FAM178B: variants seen among roughly 807,000 people sequenced by gnomAD.
The protein encoded by FAM178B is family with sequence similarity 178 member B.
A neutral mutation model predicts 91.7 loss-of-function variants in FAM178B; 82 were observed. That is an observed-to-expected ratio of 0.89 (90% confidence interval 0.75 to 1.07). The LOEUF is 1.07. FAM178B is among the 50% of genes least tolerant of loss of function. The probability of loss-of-function intolerance (pLI) is 0.00; values close to 1 mark genes in which losing one functional copy is unlikely to be tolerated. For missense variants in FAM178B, 769 were observed against 846.7 expected, an observed-to-expected ratio of 0.91 and a Z score of 1.14; for synonymous variants, 368 against 359.4, an observed-to-expected ratio of 1.02 and a Z score of -0.27.
intron 5 of FAM178B, among the ~76,000 whole-genome samples, chr2:96,963,100 C>G (rs1263048062): frequency 1.3e-5 from 2 of 152,162 alleles, no homozygotes; most frequent in African/African-American, 4.8e-5. Flanking sequence ...TTTTCAAAGC[C>G]AGGACTACCT....
intron 4 of FAM178B, among the ~76,000 whole-genome samples, chr2:96,969,241 A>G (rs532975668): frequency 5.5e-4 from 84 of 152,204 alleles, no homozygotes; most frequent in Admixed American, 9.8e-4. Flanking sequence ...CAGAATTCCT[A>G]TGTTGAAGCC....
intron 7 of FAM178B, among the ~76,000 whole-genome samples, chr2:96,949,659 G>A (rs553285943): frequency 6.6e-6 from 1 of 152,308 alleles, no homozygotes; most frequent in South Asian, 2.1e-4. Context: ...AGTCCCCTGA[G>A]GACACTGCCC....
Position 96,903,525 on chromosome 2 carries a change from C to G in FAM178B, c.1563-818G>C, listed in dbSNP as rs77408288. Among the ~76,000 whole-genome samples, 36 of 152,340 alleles carry G rather than the reference C, an allele frequency of 2.4e-4. No individual in the cohort carries two copies. In the East Asian group the frequency reaches 6.6e-3, roughly 28 times the overall value. On this transcript the variant is annotated intron_variant, in intron 12 of 16. Transcript: ENST00000490605. ...CCAGGCTCCCAGGACAGGCACCTGACCCAGTCACTGAGAGGTGGCCTCGGG... is the reference window on the plus strand; with the variant it reads ...CCAGGCTCCCAGGACAGGCACCTGAGCCAGTCACTGAGAGGTGGCCTCGGG...
chr2:96,892,415 G>C (rs1173053031), intron 14 of FAM178B, among the ~76,000 whole-genome samples: 1 of 152,188 alleles, frequency 6.6e-6, no homozygotes, highest in Non-Finnish European at 1.5e-5. Context: ...CTACCCCTTT[G>C]GGGCTCTGCC....
chr2:96,911,727 G>C (rs929121845), intron 12 of FAM178B, among the ~76,000 whole-genome samples: 8 of 152,204 alleles, frequency 5.3e-5, no homozygotes, highest in African/African-American at 1.7e-4. Flanking sequence ...CAGCGACAGG[G>C]AGGGTGAGGA....
intron 1 of FAM178B, among the ~76,000 whole-genome samples, chr2:96,985,826 C>G (rs2082416195): frequency 6.6e-6 from 1 of 152,202 alleles, no homozygotes; most frequent in Non-Finnish European, 1.5e-5. Context: ...TGCGTTCTAC[C>G]CACAAAGAAA....
intron 4 of FAM178B, 84 bp from the exon 5 acceptor site, chr2:96,967,711 C>A: frequency 1.1e-6 from 1 of 926,944 alleles, no homozygotes; most frequent in Non-Finnish European, 1.7e-6. Context: ...GTGTTGCCAC[C>A]AACACAGCAA....
At chr2:96,948,044 T>C in intron 7 of FAM178B, 142 bp from the exon 8 acceptor site, 2 of 597,730 alleles carry the variant, frequency 3.3e-6, no homozygotes, top group South Asian at 2.1e-5. Flanking sequence ...GACATTGTCA[T>C]TGTTGCCAAT....
In FAM178B at chr2:96,919,450, C is replaced by T. The variant is rs1030594931; in HGVS notation, c.1562+1715G>A. Among the ~76,000 whole-genome samples the T allele has an allele frequency of 3.9e-5, 6 of 152,212 alleles. No individual in the cohort carries two copies. The South Asian group carries it at 6.2e-4, about 16-fold the overall frequency. ...TGCCTCTGCCACCCTCCAGGTGAGCCGGTGAGATGAAAGGAGGTGACTGAT... is the reference window on the plus strand; with the variant it reads ...TGCCTCTGCCACCCTCCAGGTGAGCTGGTGAGATGAAAGGAGGTGACTGAT... On this transcript the variant is annotated intron_variant, in intron 12 of 16. Transcript: ENST00000490605.
At chr2:96,916,757 G>T (rs1229123841) in intron 12 of FAM178B, among the ~76,000 whole-genome samples, 1 of 152,204 alleles carries the variant, frequency 6.6e-6, no homozygotes, top group Admixed American at 6.5e-5. Flanking sequence ...ATGAAGTCTT[G>T]AACGCTGAGG....
chr2:96,917,315 A>C (rs771541455), intron 12 of FAM178B, among the ~76,000 whole-genome samples: 26 of 152,226 alleles, frequency 1.7e-4, no homozygotes, highest in Non-Finnish European at 2.6e-4. Flanking sequence ...TTCCTAGTAA[A>C]GCTCTTGGCA....
chr2:96,969,190 G>A (rs1434836096), intron 4 of FAM178B, among the ~76,000 whole-genome samples: 1 of 152,236 alleles, frequency 6.6e-6, no homozygotes, highest in Non-Finnish European at 1.5e-5. Context: ...CTGGCATGGT[G>A]CAGCACACAG....
chr2:96,983,935 G>A (rs538645697), intron 1 of FAM178B, among the ~76,000 whole-genome samples: 1 of 152,212 alleles, frequency 6.6e-6, no homozygotes, highest in East Asian at 1.9e-4. Context: ...ATGAGCATTT[G>A]AGTTATTTCT....
chr2:96,973,052 A>T (rs1025787864), intron 1 of FAM178B, among the ~76,000 whole-genome samples: 1 of 151,758 alleles, frequency 6.6e-6, no homozygotes, highest in Non-Finnish European at 1.5e-5. Flanking sequence ...AAATAAAAAT[A>T]AAAAAAATTA....
chr2:96,980,675 C>T (rs2082349572), intron 1 of FAM178B, among the ~76,000 whole-genome samples: 1 of 152,182 alleles, frequency 6.6e-6, no homozygotes, highest in Non-Finnish European at 1.5e-5. Flanking sequence ...AGTGCTGGAA[C>T]TACAGGCATG....
chr2:96,970,172 C>T (rs1177673057), intron 4 of FAM178B, among the ~76,000 whole-genome samples: 4 of 152,174 alleles, frequency 2.6e-5, no homozygotes, highest in Admixed American at 2.0e-4. Context: ...GTGACTGTTG[C>T]CTTCAGCGGT....
intron 14 of FAM178B, among the ~76,000 whole-genome samples, chr2:96,883,670 G>GATGGACCC (rs1174651089): frequency 3.9e-5 from 6 of 152,218 alleles, no homozygotes; most frequent in Non-Finnish European, 7.3e-5. Flanking sequence ...GAAGGACGAA[G>GATGGACCC]ATGGACCCAA....
At chr2:96,883,046 T>C (rs1344147730) in intron 14 of FAM178B, among the ~76,000 whole-genome samples, 1 of 152,192 alleles carries the variant, frequency 6.6e-6, no homozygotes, top group Non-Finnish European at 1.5e-5. Context: ...AGAAGTTCCA[T>C]GCAGGAATGC....
At chr2:96,946,056 G>C (rs183236332) in intron 8 of FAM178B, among the ~76,000 whole-genome samples, 3 of 152,118 alleles carry the variant, frequency 2.0e-5, no homozygotes, top group Non-Finnish European at 4.4e-5. Flanking sequence ...CTATGAATTT[G>C]ACTACCCTGG....
Sources: gnomAD v4.1 joint callset for allele counts (sites outside exome capture counted in the v4.1 genomes callset) on GRCh38, gnomAD v4.1.1 for gene constraint, MANE v1.5 for transcripts, NCBI Gene and HGNC (gene_info 2026-07-23, HGNC 2026-07-21) for gene names.